Variants in STRA8 observed in about 807,000 individuals in gnomAD.
The protein encoded by STRA8 is stimulated by retinoic acid 8.
Under a neutral mutation model 37.1 loss-of-function variants are expected in STRA8, and 18 were observed. That is an observed-to-expected ratio of 0.48 (90% CI 0.34 to 0.72). The LOEUF (loss-of-function observed/expected upper bound fraction) is 0.72. STRA8 is among the 30% of genes least tolerant of loss of function. The pLI is 0.01. For synonymous variants in STRA8, 168 were observed against 162.9 expected (o/e 1.03, Z -0.24); for missense variants, 357 against 410.4 (o/e 0.87, Z 1.13).
chr7:135,249,251 A>G (rs1832606109), intron 6 of STRA8, among the ~76,000 whole-genome samples: 1 of 152,180 alleles, frequency 6.6e-6, no homozygotes, highest in Non-Finnish European at 1.5e-5. Context: ...CAGTAATGGA[A>G]CTTGGATTTT....
intron 7 of STRA8, 66 bp downstream of exon 7, chr7:135,251,935 GGT>G (rs1419499372): frequency 6.7e-7 from 1 of 1,483,720 alleles, no homozygotes; most frequent in Non-Finnish European, 9.4e-7. Context: ...TGTGTGCGCA[GGT>G]GTGTATGTGT....
In STRA8 at chr7:135,234,849, G is replaced by A. The variant is rs558832487; in HGVS notation, c.-7+946G>A. ...GCAAGCTGATCTCATGAACAAGGTC[G>A]AACACAGCAATAAGTTTTGGTTTTC... On this transcript the variant is annotated intron_variant, in intron 1 of 8. Coordinates refer to ENST00000662584, the MANE Select transcript of STRA8 (RefSeq NM_001394401.1). Among the ~76,000 whole-genome samples the A allele has an allele frequency of 2.6e-5, 4 of 152,242 alleles. No homozygotes were observed. The South Asian group carries it at 6.2e-4, about 24-fold the overall frequency.
chr7:135,236,242 G>A (rs1832375022), intron 1 of STRA8, among the ~76,000 whole-genome samples: 1 of 150,356 alleles, frequency 6.7e-6, no homozygotes, highest in Non-Finnish European at 1.5e-5. Flanking sequence ...GCAACATAGT[G>A]AGACCCCATC....
At chr7:135,255,811 T>A (rs988577724) in intron 8 of STRA8, among the ~76,000 whole-genome samples, 1 of 152,234 alleles carries the variant, frequency 6.6e-6, no homozygotes, top group Admixed American at 6.5e-5. Context: ...AGACCTTGAC[T>A]GGGAGCCCTT....
chr7:135,234,325 T>C (rs1435047820), intron 1 of STRA8, among the ~76,000 whole-genome samples: 1 of 152,138 alleles, frequency 6.6e-6, no homozygotes. Flanking sequence ...GCTGGGCTGG[T>C]CTCGAACTCC....
intron 8 of STRA8, among the ~76,000 whole-genome samples, chr7:135,256,542 C>T (rs755748422): frequency 3.9e-5 from 6 of 152,216 alleles, no homozygotes; most frequent in South Asian, 2.1e-4. Flanking sequence ...CAGTGGCTCA[C>T]ACCTGGAATC....
chr7:135,246,758 G>C lies in STRA8; in HGVS notation c.879+56G>C. 1.4e-6 allele frequency: 2 copies of C among 1,458,370 alleles called. No homozygotes were observed. Among genetic ancestry groups the C allele is most frequent in the African/African-American group, 1.4e-5 (1 of 69,720 alleles). 90.3% of individuals were successfully genotyped at this position (1,458,370 alleles called of 1,614,324 possible). A position where few individuals can be genotyped will look rare whatever the true frequency, so the allele number is the denominator to read the frequency against. ...GGGCACGGGAACCACCCTCGCCCTC[G>C]CCTGGGGACACCAGGGCTTTGCATT... On this transcript the variant is annotated intron_variant, in intron 6 of 8. Transcript: ENST00000662584. This position sits in a 1 kb window ranked among gnomAD's most constrained non-coding sequence, Gnocchi z 5.4.
At chr7:135,238,618 AC>A (rs1323935601) in intron 1 of STRA8, among the ~76,000 whole-genome samples, 1 of 151,926 alleles carries the variant, frequency 6.6e-6, no homozygotes, top group African/African-American at 2.4e-5. Flanking sequence ...AGTGCTTCCC[AC>A]CCGCTTCCCT....
intron 7 of STRA8, among the ~76,000 whole-genome samples, chr7:135,252,356 G>A (rs1832649986): frequency 6.6e-6 from 1 of 152,054 alleles, no homozygotes; most frequent in East Asian, 1.9e-4. Flanking sequence ...AACAGCAAGG[G>A]GGACATCCAC....
upstream of STRA8, among the ~76,000 whole-genome samples, chr7:135,232,527 C>T (rs1041474207): frequency 3.0e-4 from 45 of 151,836 alleles, 3 homozygotes; most frequent in Non-Finnish European, 2.9e-5. Context: ...GCTGTAGTCC[C>T]GGCTACTCAG....
chr7:135,248,429 C>T (rs7783152), intron 6 of STRA8, among the ~76,000 whole-genome samples: 2,309 of 152,182 alleles, frequency 0.015, 61 homozygotes, highest in African/African-American at 0.053. Context: ...CCTGGCTGGG[C>T]GCAGTGGCTC....
intron 6 of STRA8, among the ~76,000 whole-genome samples, chr7:135,249,148 G>A (rs1832604938): frequency 6.6e-6 from 1 of 152,150 alleles, no homozygotes; most frequent in African/African-American, 2.4e-5. Context: ...TACAATGGTG[G>A]TCACATAAGA....
In STRA8 at chr7:135,246,145, A is replaced by G. The variant is rs1832549516; in HGVS notation, c.594-272A>G. Reference sequence around the variant, plus strand: ...GAGAGCTGAGGCAGCTACGCCTCTTATCTGCTTCTGTCTAACACAGAAGGC... The same window carrying G: ...GAGAGCTGAGGCAGCTACGCCTCTTGTCTGCTTCTGTCTAACACAGAAGGC... On this transcript the variant is annotated intron_variant, in intron 5 of 8. Transcript: ENST00000662584. This position sits in a 1 kb window ranked among gnomAD's most constrained non-coding sequence, Gnocchi z 5.4. The G allele has an allele frequency of 1.9e-6, 1 of 520,006 alleles. No homozygotes were observed. The highest frequency in any genetic ancestry group is 3.4e-6 in the Non-Finnish European group (1 of 291,068). 32.2% of individuals were successfully genotyped at this position (520,006 alleles called of 1,614,324 possible).
At chr7:135,252,937 A>AT (rs1485042381) in intron 7 of STRA8, among the ~76,000 whole-genome samples, 113 of 151,780 alleles carry the variant, frequency 7.4e-4, no homozygotes, top group African/African-American at 2.7e-3. Flanking sequence ...TCTTTAAAAA[A>AT]ATTTTTTTTT....
intron 4 of STRA8, 58 bp from the exon 5 acceptor site, chr7:135,245,230 G>C (rs1490368719): frequency 1.3e-6 from 1 of 779,316 alleles, no homozygotes; most frequent in African/African-American, 1.7e-5. Context: ...AGAATTTCTT[G>C]TCCATGTTCA....
Position 135,246,257 on chromosome 7 carries a change from C to G in STRA8, c.594-160C>G. 1.0e-6 allele frequency: 1 copy of G among 998,966 alleles called. No homozygotes were observed. The highest frequency in any genetic ancestry group is 1.5e-6 in the Non-Finnish European group (1 of 680,690). 61.9% of individuals were successfully genotyped at this position (998,966 alleles called of 1,614,324 possible). On this transcript the variant is annotated intron_variant, in intron 5 of 8. Coordinates refer to ENST00000662584, the MANE Select transcript of STRA8 (RefSeq NM_001394401.1). This position sits in a 1 kb window ranked among gnomAD's most constrained non-coding sequence, Gnocchi z 5.4. ...CATGGCCCCCAGGAAGGCTGCTGCT[C>G]TCCAAGGGCCAGGGGCGTGCAGAGT... is the stretch of plus-strand genomic sequence containing the variant.
intron 4 of STRA8, among the ~76,000 whole-genome samples, chr7:135,243,919 G>A (rs555554117): frequency 4.6e-5 from 7 of 152,324 alleles, no homozygotes; most frequent in African/African-American, 7.2e-5. Context: ...CTTCAGCAAC[G>A]AAAAGGAACC....
chr7:135,250,600 AGGAAG>A (rs530200252), intron 6 of STRA8, among the ~76,000 whole-genome samples: 1 of 152,226 alleles, frequency 6.6e-6, no homozygotes, highest in Non-Finnish European at 1.5e-5. Flanking sequence ...TGTGTGTTGC[AGGAAG>A]GGAAGAGGAG....
rs767390271 is a variant in STRA8, at chr7:135,246,366, C to T, written c.594-51C>T. 1.0e-5 allele frequency: 16 copies of T among 1,563,786 alleles called. No individual in the cohort carries two copies. In the East Asian group the frequency reaches 1.9e-4, roughly 19 times the overall value. On this transcript the variant is annotated intron_variant, in intron 5 of 8. Transcript: ENST00000662584. This position sits in a 1 kb window ranked among gnomAD's most constrained non-coding sequence, Gnocchi z 5.4. ...CCACACCATGAACCGAATCCCGAAT[C>T]GCTTCGAGAGGGAGCTTTAGGGGTG...
Sources: gnomAD v4.1 joint callset for allele counts (sites outside exome capture counted in the v4.1 genomes callset) on GRCh38, gnomAD v4.1.1 for gene constraint, Gnocchi (gnomAD v3.1) non-coding constraint, MANE v1.5 for transcripts, NCBI Gene and HGNC (gene_info 2026-07-23, HGNC 2026-07-21) for gene names.